The following CDK19 variants were observed in gnomAD, a reference collection of about 807,000 sequenced individuals.
The protein encoded by CDK19 is cyclin dependent kinase 19.
CDK19 carries 20 observed loss-of-function variants against 68.3 expected under a neutral mutation model. The observed-to-expected ratio is 0.29, with a 90% CI of 0.21 to 0.43. The LOEUF (loss-of-function observed/expected upper bound fraction) is 0.43, where lower values mean the gene tolerates loss of function less well. Ranked by LOEUF, CDK19 falls within the 20% of genes least tolerant of loss-of-function variation. The pLI is 1.00. For synonymous variants in CDK19, 221 were observed against 222.8 expected (o/e 0.99, Z 0.07); for missense variants, 339 against 623.5 (o/e 0.54, Z 4.86).
chr6:110,647,207 G>C (rs1279061101), intron 4 of CDK19, among the ~76,000 whole-genome samples: 1 of 152,142 alleles, frequency 6.6e-6, no homozygotes, highest in Non-Finnish European at 1.5e-5. Flanking sequence ...CAGTAACCTC[G>C]AAGCATGCGA....
chr6:110,805,618 G>A (rs1401043529), intron 1 of CDK19, among the ~76,000 whole-genome samples: 1 of 149,166 alleles, frequency 6.7e-6, no homozygotes, highest in East Asian at 1.9e-4. Context: ...ATATACGCAG[G>A]TTTCACAAAT....
intron 2 of CDK19, among the ~76,000 whole-genome samples, chr6:110,686,307 C>T (rs1772478475): frequency 6.6e-6 from 1 of 152,094 alleles, no homozygotes; most frequent in Admixed American, 6.5e-5. Context: ...AGGAAGTGTG[C>T]CTTATTGGAA....
At chr6:110,699,363 T>A (rs1773791768) in intron 2 of CDK19, among the ~76,000 whole-genome samples, 1 of 149,272 alleles carries the variant, frequency 6.7e-6, no homozygotes, top group Non-Finnish European at 1.5e-5. Flanking sequence ...AGGCGGAGGT[T>A]GCAGTGAGCC....
At chr6:110,755,261 G>A (rs550190392) in intron 1 of CDK19, among the ~76,000 whole-genome samples, 7 of 151,928 alleles carry the variant, frequency 4.6e-5, no homozygotes, top group Non-Finnish European at 7.4e-5. Flanking sequence ...GGCTGGTCTC[G>A]AACTCCTGAC....
chr6:110,742,423 A>C (rs2114857371), intron 2 of CDK19, among the ~76,000 whole-genome samples: 1 of 152,296 alleles, frequency 6.6e-6, no homozygotes, highest in East Asian at 1.9e-4. Flanking sequence ...GAACAATATG[A>C]AATCAGTGCA....
At chr6:110,637,237 G>A (rs891745131) in intron 5 of CDK19, among the ~76,000 whole-genome samples, 3 of 152,084 alleles carry the variant, frequency 2.0e-5, no homozygotes, top group African/African-American at 2.4e-5. Flanking sequence ...TCTCCCTTTC[G>A]CCTGTATCTG....
chr6:110,632,540 G>T (rs1779504873), intron 5 of CDK19, among the ~76,000 whole-genome samples: 1 of 152,144 alleles, frequency 6.6e-6, no homozygotes, highest in Non-Finnish European at 1.5e-5. Context: ...AGACCAGCCT[G>T]CACAACATGG....
intron 5 of CDK19, among the ~76,000 whole-genome samples, chr6:110,635,754 G>A (rs1779735475): frequency 6.6e-6 from 1 of 152,140 alleles, no homozygotes; most frequent in African/African-American, 2.4e-5. Flanking sequence ...TGGCCAGATG[G>A]TCTCGATCTC....
At chr6:110,804,904 C>T (rs1475621000) in intron 1 of CDK19, among the ~76,000 whole-genome samples, 1 of 151,332 alleles carries the variant, frequency 6.6e-6, no homozygotes, top group Non-Finnish European at 1.5e-5. Flanking sequence ...TGCAGTGAGC[C>T]GAGATCGCGC....
chr6:110,626,260 A>T (rs2817806), intron 8 of CDK19, among the ~76,000 whole-genome samples: 81,130 of 152,076 alleles, frequency 0.53, 22,937 homozygotes, highest in East Asian at 0.88. Context: ...GTATCTGGAA[A>T]ATCTTCTTTA....
intron 3 of CDK19, among the ~76,000 whole-genome samples, chr6:110,669,896 G>A (rs915789160): frequency 6.6e-6 from 1 of 151,902 alleles, no homozygotes; most frequent in African/African-American, 2.4e-5. Flanking sequence ...GGTGGCTCAC[G>A]CCTGTAATTC....
chr6:110,617,685 A>ACACT, intron 12 of CDK19, among the ~76,000 whole-genome samples: 1 of 146,882 alleles, frequency 6.8e-6, no homozygotes, highest in African/African-American at 2.5e-5. Flanking sequence ...ACACACACAC[A>ACACT]CACACACACA....
At chr6:110,662,317 C>G (rs1251831033) in intron 4 of CDK19, among the ~76,000 whole-genome samples, 2 of 152,056 alleles carry the variant, frequency 1.3e-5, no homozygotes, top group Non-Finnish European at 2.9e-5. Context: ...GACCCTAAAG[C>G]ATTCATTCAA....
At chr6:110,723,869 C>G (rs1347497061) in intron 2 of CDK19, among the ~76,000 whole-genome samples, 1 of 152,024 alleles carries the variant, frequency 6.6e-6, no homozygotes, top group Non-Finnish European at 1.5e-5. Context: ...TGGCTAAGAT[C>G]AAGTGTAGAA....
At chr6:110,757,214 T>A (rs1310729407) in intron 1 of CDK19, among the ~76,000 whole-genome samples, 1 of 152,146 alleles carries the variant, frequency 6.6e-6, no homozygotes, top group Non-Finnish European at 1.5e-5. Context: ...ACAGGACCCA[T>A]AACCCATTCA....
At chr6:110,719,262 T>C (rs898322514) in intron 2 of CDK19, among the ~76,000 whole-genome samples, 9 of 152,154 alleles carry the variant, frequency 5.9e-5, no homozygotes, top group African/African-American at 2.2e-4. Context: ...GGTAGGAAGA[T>C]CACTTGAGCC....
intron 1 of CDK19, among the ~76,000 whole-genome samples, chr6:110,755,363 G>C (rs943665497): frequency 6.6e-6 from 1 of 152,080 alleles, no homozygotes; most frequent in Non-Finnish European, 1.5e-5. Context: ...TATACAGAGA[G>C]ACACACAAGC....
At chr6:110,806,237 G>T (rs183073846) in intron 1 of CDK19, among the ~76,000 whole-genome samples, 1 of 151,300 alleles carries the variant, frequency 6.6e-6, no homozygotes, top group Non-Finnish European at 1.5e-5. Flanking sequence ...CTACTTGGGA[G>T]GCTGAGGCAG....
intron 2 of CDK19, among the ~76,000 whole-genome samples, chr6:110,716,184 TAAA>T (rs935474065): frequency 6.6e-6 from 1 of 152,116 alleles, no homozygotes; most frequent in Non-Finnish European, 1.5e-5. Flanking sequence ...CATTTAACTT[TAAA>T]AAATGTTCTT....
Sources: allele counts gnomAD v4.1 joint callset (sites outside exome capture counted in the v4.1 genomes callset), GRCh38; gene constraint gnomAD v4.1.1; transcripts MANE v1.5; gene names NCBI Gene and HGNC (gene_info 2026-07-23, HGNC 2026-07-21).